The following DTNA variants were observed in gnomAD, a reference collection of about 807,000 sequenced individuals.
The protein encoded by DTNA is dystrophin-related protein 3.
In DTNA, 43 loss-of-function variants were observed where a neutral mutation model predicts 100.7. That is an observed-to-expected ratio of 0.43 (90% CI 0.33 to 0.55). The LOEUF (loss-of-function observed/expected upper bound fraction) is 0.55. DTNA is among the 20% of genes least tolerant of loss of function. The probability of loss-of-function intolerance (pLI) is 0.04; values close to 1 mark genes in which losing one functional copy is unlikely to be tolerated. For missense variants in DTNA, 798 were observed against 953.9 expected (o/e 0.84, Z 2.15); for synonymous variants, 349 against 347.9 (o/e 1.00, Z -0.04).
At chr18:34,820,312 C>T (rs2095681908) in intron 8 of DTNA, among the ~76,000 whole-genome samples, 2 of 152,144 alleles carry the variant, frequency 1.3e-5, no homozygotes, top group Admixed American at 1.3e-4. Flanking sequence ...TGAGAGCAGT[C>T]CTTCTAGAAT....
intron 1 of DTNA, 53 bp from the exon 2 acceptor site, chr18:34,755,923 T>C (rs1481824951): frequency 1.3e-6 from 2 of 1,514,030 alleles, no homozygotes; most frequent in Non-Finnish European, 1.8e-6. Context: ...AGAAATGGCT[T>C]CTTGCCTCAA....
At chr18:34,609,308 A>G (rs1026300751) in intron 1 of DTNA, among the ~76,000 whole-genome samples, 5 of 146,398 alleles carry the variant, frequency 3.4e-5, no homozygotes, top group Non-Finnish European at 6.0e-5. Context: ...GCAGTGGCGC[A>G]ATCTCGGCTC....
At chr18:34,690,441 G>T (rs569841361) in intron 1 of DTNA, among the ~76,000 whole-genome samples, 11 of 152,134 alleles carry the variant, frequency 7.2e-5, no homozygotes, top group African/African-American at 2.7e-4. Flanking sequence ...ACCCTGCTTC[G>T]GCTGGCCCTC....
chr18:34,519,019 G>A (rs2041928040), intron 1 of DTNA, among the ~76,000 whole-genome samples: 1 of 152,018 alleles, frequency 6.6e-6, no homozygotes, highest in African/African-American at 2.4e-5. Context: ...GATCTGAGGA[G>A]TATTTATCAG....
chr18:34,664,394 T>C (rs1319513882), intron 1 of DTNA, among the ~76,000 whole-genome samples: 1 of 152,196 alleles, frequency 6.6e-6, no homozygotes, highest in Non-Finnish European at 1.5e-5. Flanking sequence ...AGACCAATTC[T>C]TTTAAGATGC....
Position 34,794,075 on chromosome 18 carries a change from C to T in DTNA, c.187C>T (p.Arg63Trp), listed in dbSNP as rs773407468. 5.6e-6 allele frequency: 9 copies of T among 1,613,902 alleles called. No individual in the cohort carries two copies. Among genetic ancestry groups the T allele is most frequent in the African/African-American group, 2.7e-5 (2 of 74,902 alleles). Residue 63 changes from arginine to tryptophan, a missense_variant, in exon 4 of 23, where the codon CGG (arginine) becomes TGG (tryptophan). Around this residue, in one of 6 missense-constraint regions of DTNA, gnomAD observed 197 missense variants for 215.4 expected, o/e 0.91. Coordinates refer to ENST00000444659, the MANE Select transcript of DTNA (RefSeq NM_001386795.1). Reference protein sequence around the residue: ...VDIWNVIEALRENALNNLDPN... With the variant: ...VDIWNVIEALWENALNNLDPN... ...CATATGGAATGTCATAGAAGCATTG[C>T]GGGAAAATGCTCTGAACAACCTGGA...
rs1598586883 is a variant in DTNA, at chr18:34,560,290, T to C, written c.-2+66776T>C. Among the ~76,000 whole-genome samples, 8 of 152,342 alleles carry C rather than the reference T, an allele frequency of 5.3e-5. No individual in the cohort carries two copies. The South Asian group carries it at 1.4e-3, about 28-fold the overall frequency. On this transcript the variant is annotated intron_variant, in intron 1 of 19. Coordinates refer to the DTNA transcript ENST00000283365. ...TTCCTTATATTCACAATATGTACCA[T>C]AATGCCAGGAACATAGCTGGGTGCT...
intron 1 of DTNA, among the ~76,000 whole-genome samples, chr18:34,574,774 G>A (rs2047952670): frequency 1.3e-5 from 2 of 152,212 alleles, no homozygotes; most frequent in Admixed American, 6.5e-5. Context: ...TGGGACTACA[G>A]GCACAAGCCA....
chr18:34,868,370 T>C, intron 17 of DTNA: 1 of 641,580 alleles, frequency 1.6e-6, no homozygotes, highest in Non-Finnish European at 1.9e-6. Flanking sequence ...AGCAGAACCT[T>C]ATCAATCCCA....
intron 1 of DTNA, among the ~76,000 whole-genome samples, chr18:34,544,894 G>T (rs1238586794): frequency 6.6e-6 from 1 of 151,962 alleles, no homozygotes; most frequent in Non-Finnish European, 1.5e-5. Context: ...TTAGGATACT[G>T]TCAGAAGCAG....
intron 1 of DTNA, among the ~76,000 whole-genome samples, chr18:34,516,093 G>A (rs1337171257): frequency 1.3e-5 from 2 of 152,052 alleles, no homozygotes; most frequent in African/African-American, 2.4e-5. Flanking sequence ...ATAATTCAAC[G>A]TAGGTTCTTT....
chr18:34,659,080 C>T (rs1207231637), intron 1 of DTNA, among the ~76,000 whole-genome samples: 1 of 151,062 alleles, frequency 6.6e-6, no homozygotes, highest in African/African-American at 2.4e-5. Context: ...TATCCATTTA[C>T]TGTACGTGTG....
At chr18:34,719,032 G>T (rs2084680951) in intron 1 of DTNA, among the ~76,000 whole-genome samples, 1 of 152,006 alleles carries the variant, frequency 6.6e-6, no homozygotes, top group African/African-American at 2.4e-5. Context: ...AATCACTGAA[G>T]AAATGTAAGT....
chr18:34,877,446 C>G (rs556461162), intron 18 of DTNA, among the ~76,000 whole-genome samples: 1 of 152,186 alleles, frequency 6.6e-6, no homozygotes, highest in Non-Finnish European at 1.5e-5. Context: ...TCATACTGCT[C>G]TCTTTCACCT....
rs187007752 is a variant in DTNA, at chr18:34,639,072, C to G, written c.-1-116904C>G. ...GTCAGGCTGGTCTCGAACTCCTGAC[C>G]TCAGGTGATCCACCTGCCTCGGCCT... On this transcript the variant is annotated intron_variant, in intron 1 of 19. Coordinates refer to the DTNA transcript ENST00000283365. 2.0e-4 allele frequency among the ~76,000 whole-genome samples: 31 copies of G among 152,316 alleles called. No individual in the cohort carries two copies. The East Asian group carries it at 3.3e-3, about 16-fold the overall frequency.
At chr18:34,556,168 T>G (rs996337321) in intron 1 of DTNA, among the ~76,000 whole-genome samples, 6 of 151,832 alleles carry the variant, frequency 4.0e-5, no homozygotes, top group African/African-American at 1.5e-4. Flanking sequence ...TTAAGGTCTG[T>G]TTTATCAGAG....
intron 17 of DTNA, among the ~76,000 whole-genome samples, chr18:34,870,442 G>A (rs16966111): frequency 0.028 from 4,242 of 152,198 alleles, 193 homozygotes; most frequent in African/African-American, 0.095. Context: ...AGTCAAAAGC[G>A]AGGGAGAGGG....
At chr18:34,846,664 G>GAAAA (rs536450223) in intron 13 of DTNA, among the ~76,000 whole-genome samples, 1 of 145,158 alleles carries the variant, frequency 6.9e-6, no homozygotes. Context: ...TGAATGACCA[G>GAAAA]AAAAAAAAAA....
At chr18:34,858,491 C>A in intron 16 of DTNA, 93 bp downstream of exon 16, 1 of 1,242,158 alleles carries the variant, frequency 8.1e-7, no homozygotes, top group Non-Finnish European at 1.2e-6. Flanking sequence ...CAGTCCTCAG[C>A]TACCTTAGCT....
Sources: gnomAD v4.1 joint callset for allele counts (sites outside exome capture counted in the v4.1 genomes callset) on GRCh38, gnomAD v4.1.1 for gene constraint, gnomAD v4.1.1 regional missense constraint, MANE v1.5 for transcripts, NCBI Gene and HGNC (gene_info 2026-07-23, HGNC 2026-07-21) for gene names.